ERC1: variants seen among roughly 807,000 people sequenced by gnomAD.
The protein encoded by ERC1 is RAB6 interacting protein 2.
In ERC1, 56 loss-of-function variants were observed where a neutral mutation model predicts 132.0. That is an observed-to-expected ratio of 0.42 (90% CI 0.34 to 0.53). ERC1 has a LOEUF of 0.53. Among genes scored for constraint, ERC1 ranks in the 20% least tolerant of loss-of-function variants. The probability of loss-of-function intolerance (pLI) is 0.03; values close to 1 mark genes in which losing one functional copy is unlikely to be tolerated. For synonymous variants in ERC1, 478 were observed against 476.1 expected, an observed-to-expected ratio of 1.00 and a Z score of -0.05; for missense variants, 1,202 against 1,349.9, an observed-to-expected ratio of 0.89 and a Z score of 1.72.
chr12:1,277,965 G>A (rs1426509594), intron 14 of ERC1, among the ~76,000 whole-genome samples: 2 of 152,188 alleles, frequency 1.3e-5, no homozygotes, highest in African/African-American at 4.8e-5. Flanking sequence ...AACCTCGTAG[G>A]TTTCACTGTA....
At chr12:1,155,706 C>T (rs977368079) in intron 8 of ERC1, among the ~76,000 whole-genome samples, 30 of 152,012 alleles carry the variant, frequency 2.0e-4, no homozygotes, top group African/African-American at 6.8e-4. Flanking sequence ...TTCCTGACCT[C>T]GTGATCTGCC....
intron 18 of ERC1, among the ~76,000 whole-genome samples, chr12:1,452,631 A>G (rs750194639): frequency 2.0e-4 from 31 of 152,028 alleles, no homozygotes; most frequent in Non-Finnish European, 4.0e-4. Flanking sequence ...TTTGTTTTCT[A>G]TATTTTCTTA....
intron 8 of ERC1, among the ~76,000 whole-genome samples, chr12:1,167,166 A>T (rs1952508228): frequency 6.6e-6 from 1 of 152,210 alleles, no homozygotes; most frequent in Non-Finnish European, 1.5e-5. Flanking sequence ...TCTGACAAAG[A>T]TTGTTCTTAG....
At chr12:1,243,197 A>G (rs1414447448) in intron 13 of ERC1, among the ~76,000 whole-genome samples, 5 of 146,466 alleles carry the variant, frequency 3.4e-5, no homozygotes, top group Non-Finnish European at 7.5e-5. Flanking sequence ...CCGTCTCAAA[A>G]AAAAAAAAAG....
At chr12:1,195,629 G>A (rs1056488980) in intron 12 of ERC1, among the ~76,000 whole-genome samples, 2 of 152,200 alleles carry the variant, frequency 1.3e-5, no homozygotes, top group African/African-American at 2.4e-5. Context: ...TTGTCGGGAT[G>A]TGATACCCAT....
chr12:1,112,384 T>C, intron 6 of ERC1, 86 bp downstream of exon 6: 1 of 919,066 alleles, frequency 1.1e-6, no homozygotes, highest in African/African-American at 1.7e-5. Flanking sequence ...TGGCTTACCC[T>C]TTCATTCTCT....
At chr12:1,156,240 A>T (rs1415300324) in intron 8 of ERC1, among the ~76,000 whole-genome samples, 1 of 151,702 alleles carries the variant, frequency 6.6e-6, no homozygotes, top group African/African-American at 2.4e-5. Flanking sequence ...ATTTTATTTT[A>T]TTTATTTTAT....
At position 1,112,250 on chromosome 12, in the gene ERC1, G is replaced by A; in HGVS notation, c.1353G>A (p.Glu451=). The change falls in exon 6 of 19, where the codon GAG becomes GAA. Residue 451 remains glutamate, a synonymous_variant. Coordinates refer to ENST00000360905, the MANE Select transcript of ERC1 (RefSeq NM_178040.4). ...TGAAGGAGGAACTAAGTTCGAAAGAGGCTCAATGGGAGGAGCTGAAAAAGA... is the reference window on the plus strand; with the variant it reads ...TGAAGGAGGAACTAAGTTCGAAAGAAGCTCAATGGGAGGAGCTGAAAAAGA... ...EQLKEELSSK[E]AQWEELKKKA... 1 of 1,613,510 alleles carries A rather than the reference G, an allele frequency of 6.2e-7. No homozygotes were observed. The highest frequency in any genetic ancestry group is 2.2e-5 in the East Asian group (1 of 44,892).
chr12:1,155,007 A>G (rs1410464657), intron 8 of ERC1, among the ~76,000 whole-genome samples: 6 of 152,242 alleles, frequency 3.9e-5, no homozygotes, highest in Admixed American at 3.9e-4. Flanking sequence ...GATATTTTTC[A>G]AAGAACTAAA....
At chr12:1,369,433 C>A (rs1285560879) in intron 15 of ERC1, among the ~76,000 whole-genome samples, 2 of 152,200 alleles carry the variant, frequency 1.3e-5, no homozygotes, top group African/African-American at 4.8e-5. Flanking sequence ...AGCAAAGGTG[C>A]TGGTATTTCA....
chr12:1,297,729 A>G (rs2154343472), intron 15 of ERC1, among the ~76,000 whole-genome samples: 1 of 150,494 alleles, frequency 6.6e-6, no homozygotes, highest in Admixed American at 6.6e-5. Flanking sequence ...AAAAAAAAAA[A>G]CACAGACATG....
intron 7 of ERC1, among the ~76,000 whole-genome samples, chr12:1,123,299 A>C (rs908287652): frequency 2.0e-5 from 3 of 152,146 alleles, no homozygotes; most frequent in African/African-American, 7.2e-5. Context: ...TGGAGAATAG[A>C]GAAGAATGGG....
chr12:1,162,565 T>G (rs1951983949), intron 8 of ERC1, among the ~76,000 whole-genome samples: 1 of 151,998 alleles, frequency 6.6e-6, no homozygotes, highest in South Asian at 2.1e-4. Context: ...GAATAGGTCC[T>G]TTGTATGTTC....
At chr12:1,193,149 G>T (rs1955894479) in intron 12 of ERC1, among the ~76,000 whole-genome samples, 1 of 152,072 alleles carries the variant, frequency 6.6e-6, no homozygotes, top group Non-Finnish European at 1.5e-5. Flanking sequence ...TATTATGAAG[G>T]ATTCCCAGGC....
chr12:1,030,792 G>C (rs924275778), intron 2 of ERC1, among the ~76,000 whole-genome samples: 2 of 152,110 alleles, frequency 1.3e-5, no homozygotes, highest in Admixed American at 6.5e-5. Flanking sequence ...GATGTGTTTA[G>C]ATACACAGAT....
intron 5 of ERC1, among the ~76,000 whole-genome samples, chr12:1,110,869 A>G (rs1303723133): frequency 6.6e-6 from 1 of 151,848 alleles, no homozygotes; most frequent in East Asian, 1.9e-4. Flanking sequence ...CACCTGGCTA[A>G]TTTTTTGTAT....
chr12:1,162,879 T>C (rs1566117826), intron 8 of ERC1, among the ~76,000 whole-genome samples: 2 of 152,178 alleles, frequency 1.3e-5, no homozygotes, highest in Non-Finnish European at 2.9e-5. Flanking sequence ...TAGTTAGATA[T>C]TAGAATTTTT....
At chr12:1,323,075 T>A (rs2082216287) in intron 15 of ERC1, among the ~76,000 whole-genome samples, 1 of 152,212 alleles carries the variant, frequency 6.6e-6, no homozygotes, top group Non-Finnish European at 1.5e-5. Flanking sequence ...TGTAATCTTA[T>A]GTCTTATAAA....
At chr12:1,175,480 A>G (rs1309497728) in intron 8 of ERC1, among the ~76,000 whole-genome samples, 2 of 150,322 alleles carry the variant, frequency 1.3e-5, no homozygotes, top group Non-Finnish European at 1.5e-5. Flanking sequence ...AAAAAAAGCA[A>G]CAACAAAAAA....
Sources: allele counts gnomAD v4.1 joint callset (sites outside exome capture counted in the v4.1 genomes callset), GRCh38; gene constraint gnomAD v4.1.1; transcripts MANE v1.5; gene names NCBI Gene and HGNC (gene_info 2026-07-23, HGNC 2026-07-21).